Variants in ITGB5 observed in about 807,000 individuals in gnomAD.
ITGB5 encodes the protein integrin beta-5.
ITGB5 carries 38 observed loss-of-function variants against 84.8 expected under a neutral mutation model. The observed-to-expected ratio is 0.45, with a 90% CI of 0.35 to 0.59. The LOEUF (loss-of-function observed/expected upper bound fraction) is 0.59. Ranked by LOEUF, ITGB5 falls within the 20% of genes least tolerant of loss-of-function variation. The pLI is 0.01. For synonymous variants in ITGB5, 393 were observed against 414.4 expected (o/e 0.95, Z 0.63); for missense variants, 905 against 1,034.5 (o/e 0.87, Z 1.72).
rs567539815 is a variant in ITGB5, at chr3:124,773,908, A to T, written c.1698T>A (p.His566Gln). 10 of 1,614,106 alleles carry T rather than the reference A, an allele frequency of 6.2e-6. No homozygotes were observed. The East Asian group carries it at 8.9e-5, about 14-fold the overall frequency. Residue 566 changes from histidine to glutamine, a missense_variant, in exon 11 of 15, where the codon CAT (histidine) becomes CAA (glutamine). Transcript: ENST00000296181. Reference sequence around the variant, plus strand: ...TGCATTCCCCGCAGTGACACTCGCCATGGCCTAAAAGGATACATGTGGCAC... The same window carrying T: ...TGCATTCCCCGCAGTGACACTCGCCTTGGCCTAAAAGGATACATGTGGCAC... The part of the protein sequence containing the change: ...ARNKGVLCSG[H>Q]GECHCGECKC...
chr3:124,899,475 C>A (rs1377432974), intron 1 of ITGB5, among the ~76,000 whole-genome samples: 1 of 152,092 alleles, frequency 6.6e-6, no homozygotes, highest in Non-Finnish European at 1.5e-5. Context: ...CAGGACACCA[C>A]AGCTGATTAG....
chr3:124,855,826 A>T (rs78331107), intron 3 of ITGB5, among the ~76,000 whole-genome samples: 3,288 of 152,342 alleles, frequency 0.022, 141 homozygotes, highest in African/African-American at 0.075. Context: ...AAATCATATC[A>T]TAATGCTTAG....
intron 8 of ITGB5, among the ~76,000 whole-genome samples, chr3:124,811,652 T>C (rs1009588437): frequency 6.6e-6 from 1 of 152,226 alleles, no homozygotes; most frequent in Non-Finnish European, 1.5e-5. Flanking sequence ...AAGAATTAGA[T>C]GGAAATGGAC....
intron 5 of ITGB5, among the ~76,000 whole-genome samples, chr3:124,824,826 C>G (rs1225269765): frequency 6.6e-6 from 1 of 152,110 alleles, no homozygotes; most frequent in Non-Finnish European, 1.5e-5. Flanking sequence ...CAAATTTGAA[C>G]CACAGCGAGA....
At chr3:124,766,560 G>A (rs185456269) in intron 12 of ITGB5, among the ~76,000 whole-genome samples, 17 of 152,310 alleles carry the variant, frequency 1.1e-4, no homozygotes, top group African/African-American at 3.6e-4. Context: ...TTGGGGACAC[G>A]TGGAACACAT....
At chr3:124,803,262 T>A (rs1371065862) in intron 9 of ITGB5, among the ~76,000 whole-genome samples, 1 of 152,202 alleles carries the variant, frequency 6.6e-6, no homozygotes, top group Non-Finnish European at 1.5e-5. Flanking sequence ...TAAAAGCTGT[T>A]ACTCCCCAAA....
intron 11 of ITGB5, among the ~76,000 whole-genome samples, chr3:124,770,892 C>T (rs1248284444): frequency 3.3e-5 from 5 of 151,388 alleles, no homozygotes; most frequent in East Asian, 1.9e-4. Context: ...CAGCTGCCCC[C>T]GATCCCCCAC....
At chr3:124,859,206 TCCCAGAG>T (rs781320118) in intron 3 of ITGB5, 29 bp downstream of exon 3, 33 of 1,597,614 alleles carry the variant, frequency 2.1e-5, no homozygotes, top group Non-Finnish European at 2.7e-5. Context: ...GCCTTCCTGA[TCCCAGAG>T]CATCCAGCCC....
At chr3:124,813,290 C>T (rs1415244964) in intron 8 of ITGB5, among the ~76,000 whole-genome samples, 3 of 152,210 alleles carry the variant, frequency 2.0e-5, no homozygotes, top group African/African-American at 7.2e-5. Context: ...CACCACTCAA[C>T]ACAACACTTC....
At chr3:124,859,662 C>T (rs1489487251) in intron 2 of ITGB5, among the ~76,000 whole-genome samples, 1 of 152,212 alleles carries the variant, frequency 6.6e-6, no homozygotes, top group Non-Finnish European at 1.5e-5. Flanking sequence ...ATTTTGTAAA[C>T]TGTAAACACA....
intron 7 of ITGB5, 70 bp downstream of exon 7, chr3:124,819,669 C>A: frequency 9.2e-7 from 1 of 1,083,016 alleles, no homozygotes; most frequent in South Asian, 1.3e-5. Flanking sequence ...CCCAGATAGG[C>A]AGAGTTGTAA....
intron 13 of ITGB5, among the ~76,000 whole-genome samples, chr3:124,765,388 G>A (rs537264940): frequency 3.9e-5 from 6 of 152,286 alleles, no homozygotes; most frequent in African/African-American, 1.4e-4. Flanking sequence ...CCAGTGCTCC[G>A]TTGTCCTTGG....
rs1579165768 is a variant in ITGB5, at chr3:124,768,322, A to C, written c.2017+691T>G. Among the ~76,000 whole-genome samples, 3 of 152,338 alleles carry C rather than the reference A, an allele frequency of 2.0e-5. No homozygotes were observed. In the South Asian group the frequency reaches 6.2e-4, roughly 32 times the overall value. On this transcript the variant is annotated intron_variant, in intron 12 of 14. Transcript: ENST00000296181. ...AAGTGTACAATCAGTCGTTTTACTC[A>C]ACTCACAATGTTGTGTAACCATTCC...
At chr3:124,897,524 G>GA (rs2107662297) in intron 1 of ITGB5, among the ~76,000 whole-genome samples, 1 of 152,246 alleles carries the variant, frequency 6.6e-6, no homozygotes, top group Admixed American at 6.5e-5. Context: ...AGTGGGCACT[G>GA]AAAAAAGTGT....
At chr3:124,836,113 A>G (rs571981824) in intron 5 of ITGB5, among the ~76,000 whole-genome samples, 67 of 152,266 alleles carry the variant, frequency 4.4e-4, no homozygotes, top group Non-Finnish European at 7.8e-4. Context: ...GGAGAAGTCA[A>G]CTGGCTTCCA....
chr3:124,827,987 C>T (rs575464815), intron 5 of ITGB5, among the ~76,000 whole-genome samples: 1 of 148,696 alleles, frequency 6.7e-6, no homozygotes, highest in Non-Finnish European at 1.5e-5. Flanking sequence ...ACCCCCCCAA[C>T]GCCCCCGCCG....
chr3:124,765,609 C>A (rs1023440859), intron 13 of ITGB5, among the ~76,000 whole-genome samples: 4 of 152,258 alleles, frequency 2.6e-5, no homozygotes, highest in Non-Finnish European at 4.4e-5. Context: ...ATGAGACCCT[C>A]CCCAGGGACA....
intron 3 of ITGB5, 23 bp from the exon 4 acceptor site, chr3:124,848,581 T>C: frequency 1.2e-6 from 2 of 1,602,170 alleles, no homozygotes; most frequent in Non-Finnish European, 1.7e-6. Context: ...AGAGGCCACG[T>C]GTGTTAGAGG....
intron 5 of ITGB5, among the ~76,000 whole-genome samples, chr3:124,831,133 C>T (rs950352443): frequency 1.3e-5 from 2 of 152,196 alleles, no homozygotes; most frequent in African/African-American, 4.8e-5. Context: ...AGGTCAGTTA[C>T]CATGCTACTT....
Sources: gnomAD v4.1 joint callset for allele counts (sites outside exome capture counted in the v4.1 genomes callset) on GRCh38, gnomAD v4.1.1 for gene constraint, MANE v1.5 for transcripts, NCBI Gene and HGNC (gene_info 2026-07-23, HGNC 2026-07-21) for gene names.